ZNF451: variants seen among roughly 807,000 people sequenced by gnomAD.
The protein encoded by ZNF451 is zinc finger protein 451.
A neutral mutation model predicts 107.1 loss-of-function variants in ZNF451; 80 were observed. That is an observed-to-expected ratio of 0.75 (90% confidence interval 0.62 to 0.90). The LOEUF (loss-of-function observed/expected upper bound fraction) is 0.90. Among genes scored for constraint, ZNF451 ranks in the 40% least tolerant of loss-of-function variants. ZNF451 has a pLI of 0.00. For missense variants in ZNF451, 1,107 were observed against 1,236.2 expected, an observed-to-expected ratio of 0.90 and a Z score of 1.57; for synonymous variants, 362 against 406.5, an observed-to-expected ratio of 0.89 and a Z score of 1.32.
chr6:57,161,207 TA>T, intron 14 of ZNF451, 55 bp downstream of exon 14: 4 of 1,073,250 alleles, frequency 3.7e-6, no homozygotes, highest in Admixed American at 2.8e-5. Context: ...ATTTTTTTTT[TA>T]AATTTCTCTG....
intron 2 of ZNF451, among the ~76,000 whole-genome samples, chr6:57,093,621 C>T (rs891176254): frequency 5.3e-5 from 8 of 152,102 alleles, no homozygotes; most frequent in Non-Finnish European, 7.4e-5. Flanking sequence ...AGTTCTCTTA[C>T]AGAAAGTACA....
In ZNF451 at chr6:57,149,279, T is replaced by C. The variant is rs142539172; in HGVS notation, c.2608+586T>C. On this transcript the variant is annotated intron_variant, in intron 10 of 14. Transcript: ENST00000370706. ...TTGTTTGTACTTACTCCAGACTTTC[T>C]TTCTTCCATATGATAGGATTAAGTA... Among the ~76,000 whole-genome samples the C allele has an allele frequency of 1.4e-3, 214 of 152,364 alleles. 2 individuals are homozygous for C. In the East Asian group the frequency reaches 0.028, roughly 20 times the overall value.
Position 57,148,647 on chromosome 6 carries a change from A to G in ZNF451, c.2562A>G (p.Leu854=). The G allele has an allele frequency of 1.2e-6, 2 of 1,613,630 alleles. No individual in the cohort carries two copies. The change falls in exon 10 of 15, where the codon TTA becomes TTG. Residue 854 remains leucine (L), a synonymous_variant. Coordinates refer to ENST00000370706, the MANE Select transcript of ZNF451 (RefSeq NM_001031623.3). The part of the protein sequence containing the change: ...LKQAINYSKS[L]DMEKGVENDL... ...AGGCAATAAACTATTCAAAAAGTTTAGACATGGAGAAAGGAGTTGAGAATG... is the reference window on the plus strand; with the variant it reads ...AGGCAATAAACTATTCAAAAAGTTTGGACATGGAGAAAGGAGTTGAGAATG...
intron 2 of ZNF451, chr6:57,093,003 G>A (rs536496774): frequency 5.3e-5 from 8 of 152,252 alleles, no homozygotes; most frequent in East Asian, 1.9e-4. Flanking sequence ...TGTAAACAGC[G>A]CCTAAATCAA....
intron 2 of ZNF451, among the ~76,000 whole-genome samples, chr6:57,095,940 C>T (rs1332376118): frequency 1.3e-5 from 2 of 151,886 alleles, no homozygotes; most frequent in East Asian, 1.9e-4. Flanking sequence ...TCTTGTTCTT[C>T]GGCCTCCTGA....
At chr6:57,112,775 TGTTC>T (rs1298786745) in intron 3 of ZNF451, among the ~76,000 whole-genome samples, 1 of 152,196 alleles carries the variant, frequency 6.6e-6, no homozygotes, top group Non-Finnish European at 1.5e-5. Context: ...AGTGACTTCA[TGTTC>T]ATAATATATT....
chr6:57,100,077 T>A (rs1179276518), intron 3 of ZNF451, among the ~76,000 whole-genome samples: 3 of 152,194 alleles, frequency 2.0e-5, no homozygotes, highest in Non-Finnish European at 4.4e-5. Flanking sequence ...AGTAGGACTA[T>A]ACAACTGGGA....
intron 3 of ZNF451, chr6:57,103,601 G>T (rs1404772726): frequency 7.1e-6 from 7 of 985,142 alleles, no homozygotes; most frequent in Non-Finnish European, 8.4e-6. Flanking sequence ...AAATTTGAGG[G>T]GTCTGAATAC....
At chr6:57,156,455 T>C (rs913170312) in intron 13 of ZNF451, among the ~76,000 whole-genome samples, 1 of 152,230 alleles carries the variant, frequency 6.6e-6, no homozygotes, top group Non-Finnish European at 1.5e-5. Flanking sequence ...ATAATTTTTG[T>C]TACTAAAGAA....
chr6:57,099,274 G>A, intron 3 of ZNF451, 133 bp downstream of exon 3: 1 of 688,160 alleles, frequency 1.5e-6, no homozygotes, highest in Non-Finnish European at 2.6e-6. Flanking sequence ...AAAATAGGTA[G>A]TCCAAGGAGT....
In ZNF451 at chr6:57,160,652, C is replaced by T. The variant is rs553634653; in HGVS notation, c.3071-432C>T. ...GCCTGGCCTCAATATCCTTTTTCTA[C>T]CCCAGGACCTCTTGGGATCCCACAT... On this transcript the variant is annotated intron_variant, in intron 13 of 14. Transcript: ENST00000370706. Among the ~76,000 whole-genome samples the T allele has an allele frequency of 3.3e-5, 5 of 152,208 alleles. No individual in the cohort carries two copies. In the South Asian group the frequency reaches 1.0e-3, roughly 32 times the overall value.
intron 6 of ZNF451, among the ~76,000 whole-genome samples, chr6:57,133,434 C>CT (rs1475749825): frequency 6.6e-6 from 1 of 152,078 alleles, no homozygotes; most frequent in Non-Finnish European, 1.5e-5. Flanking sequence ...CCTGATACAG[C>CT]TTATAAAGTT....
rs368703143 is a variant in ZNF451 at position 57,134,730 on chromosome 6, C to G, written c.576-14C>G. 2.5e-6 allele frequency: 4 copies of G among 1,608,250 alleles called. No individual in the cohort carries two copies. The highest frequency in any genetic ancestry group is 2.5e-6 in the Non-Finnish European group (3 of 1,178,016). The stretch of plus-strand genomic sequence containing the variant: ...ATTTATCTAATATTACCTCTTACCT[C>G]TTTTGCTGAGTAGGTTCGATCACTC... On this transcript the variant is annotated splice_polypyrimidine_tract_variant and intron_variant, in intron 6 of 14. Coordinates refer to ENST00000370706, the MANE Select transcript of ZNF451 (RefSeq NM_001031623.3).
intron 3 of ZNF451, chr6:57,104,180 C>G: frequency 1.0e-6 from 1 of 985,322 alleles, no homozygotes; most frequent in South Asian, 4.7e-5. Flanking sequence ...TCAAACTAAA[C>G]TCTAGAAGAA....
In ZNF451 at chr6:57,152,113, A is replaced by G. The variant is rs895069601; in HGVS notation, c.2753-108A>G. The G allele has an allele frequency of 6.1e-6, 6 of 990,404 alleles. No homozygotes were observed. In the African/African-American group the frequency reaches 9.8e-5, roughly 16 times the overall value. The allele number at this position is 990,404 out of a possible 1,614,324, so 61.4% of individuals were successfully genotyped here. A position where few individuals can be genotyped will look rare whatever the true frequency, so the allele number is the denominator to read the frequency against. On this transcript the variant is annotated intron_variant, in intron 11 of 14. Coordinates refer to ENST00000370706, the MANE Select transcript of ZNF451 (RefSeq NM_001031623.3). ...GAGTTCTTCCACATTCTGATCTAGT[A>G]CTTTGCCTCTAGAAAAATTTTTTTC... is the stretch of plus-strand genomic sequence containing the variant.
intron 7 of ZNF451, among the ~76,000 whole-genome samples, chr6:57,140,728 C>T (rs1449802982): frequency 6.6e-6 from 1 of 151,988 alleles, no homozygotes; most frequent in Admixed American, 6.6e-5. Context: ...GACACCATGG[C>T]GTAGTTTGCA....
At chr6:57,122,087 A>G (rs956491868) in intron 3 of ZNF451, among the ~76,000 whole-genome samples, 6 of 152,062 alleles carry the variant, frequency 3.9e-5, no homozygotes, top group Non-Finnish European at 8.8e-5. Flanking sequence ...GGCACAACCA[A>G]CTCACCAACT....
In ZNF451 at chr6:57,147,301, G is replaced by T; in HGVS notation, c.1216G>T (p.Glu406Ter). 1 of 1,614,118 alleles carries T rather than the reference G, an allele frequency of 6.2e-7. No homozygotes were observed. Among genetic ancestry groups the T allele is most frequent in the Non-Finnish European group, 8.5e-7 (1 of 1,179,990 alleles). The change falls in exon 10 of 15, where the codon GAA becomes TAA. Residue 406 changes from glutamate to a stop codon, truncating the protein, a stop_gained. Transcript: ENST00000370706. LOFTEE classifies it high-confidence loss of function. ...ESVLLYCHSSEGNKDPSSDLH... is the reference protein window; with the variant it reads ...ESVLLYCHSS ...AGTCTTACTCTATTGCCACAGCAGC[G>T]AAGGGAACAAGGATCCTTCTTCTGA...
chr6:57,135,572 CATAAG>C lies in ZNF451; in HGVS notation c.702+711_702+715del, dbSNP rs1441661822. Among the ~76,000 whole-genome samples the C allele has an allele frequency of 3.5e-4, 53 of 152,174 alleles. No individual in the cohort carries two copies. The East Asian group carries it at 4.4e-3, about 13-fold the overall frequency. ...CTCCATATATAGATAAATGTTTTTA[CATAAG>C]ATAAGATATCTAAATTGTTCTGTGA... On this transcript the variant is annotated intron_variant, in intron 7 of 14. Transcript: ENST00000370706.
Sources: allele counts gnomAD v4.1 joint callset (sites outside exome capture counted in the v4.1 genomes callset), GRCh38; gene constraint gnomAD v4.1.1; transcripts MANE v1.5; gene names NCBI Gene and HGNC (gene_info 2026-07-23, HGNC 2026-07-21).